The following FAM185A variants were observed in gnomAD, a reference collection of about 807,000 sequenced individuals.
FAM185A encodes the protein family with sequence similarity 185 member A.
In FAM185A, 21 loss-of-function variants were observed where a neutral mutation model predicts 45.7. That is an observed-to-expected ratio of 0.46 (90% CI 0.33 to 0.66). The LOEUF (loss-of-function observed/expected upper bound fraction) is 0.66, where lower values mean the gene tolerates loss of function less well. Among genes scored for constraint, FAM185A ranks in the 30% least tolerant of loss-of-function variants. The pLI is 0.03. For synonymous variants in FAM185A, 117 were observed against 194.0 expected (o/e 0.60, Z 3.30); for missense variants, 305 against 485.4 (o/e 0.63, Z 3.49).
At chr7:102,826,280 T>C in the FAM185A span, among the ~76,000 whole-genome samples, 1 of 152,180 alleles carries the variant, frequency 6.6e-6, no homozygotes, top group Non-Finnish European at 1.5e-5. Context: ...AATGAACTTT[T>C]AGGTTAATAA....
At chr7:102,821,629 G>T in the FAM185A span, among the ~76,000 whole-genome samples, 6 of 152,164 alleles carry the variant, frequency 3.9e-5, no homozygotes, top group Admixed American at 1.3e-4. Context: ...CATTTCATAT[G>T]TTACTTTATC....
At chr7:102,771,875 G>A (rs1186415115) in intron 4 of FAM185A, among the ~76,000 whole-genome samples, 3 of 152,206 alleles carry the variant, frequency 2.0e-5, no homozygotes, top group East Asian at 1.9e-4. Flanking sequence ...AAGCTTCTTT[G>A]TTCTGTTTTG....
At chr7:102,755,764 C>T (rs1324398516) in intron 2 of FAM185A, 16 of 608,452 alleles carry the variant, frequency 2.6e-5, no homozygotes, top group Non-Finnish European at 4.9e-5. Context: ...CAGGTTAACT[C>T]AGAAGACAAA....
At chr7:102,786,827 AT>A (rs1795832983) in intron 6 of FAM185A, among the ~76,000 whole-genome samples, 2 of 116,216 alleles carry the variant, frequency 1.7e-5, no homozygotes, top group Non-Finnish European at 3.3e-5. Flanking sequence ...TTAAAGTATA[AT>A]AAAAAAAAAA....
At chr7:102,827,144 C>T in the FAM185A span, 1 of 455,114 alleles carries the variant, frequency 2.2e-6, no homozygotes, top group Non-Finnish European at 4.4e-6. Flanking sequence ...TGCCTTGCAG[C>T]TTCTACCTTT....
the FAM185A span, among the ~76,000 whole-genome samples, chr7:102,830,837 G>C: frequency 1.3e-5 from 2 of 152,132 alleles, no homozygotes; most frequent in East Asian, 3.8e-4. Flanking sequence ...AAATTTCTTA[G>C]TTTTCTTCCT....
At chr7:102,807,436 C>T (rs531944194) in intron 7 of FAM185A, among the ~76,000 whole-genome samples, 1 of 152,032 alleles carries the variant, frequency 6.6e-6, no homozygotes, top group East Asian at 1.9e-4. Flanking sequence ...ATTCCAAATC[C>T]AGAATCTGAA....
At chr7:102,781,771 G>C (rs572001857) in intron 6 of FAM185A, among the ~76,000 whole-genome samples, 1 of 152,180 alleles carries the variant, frequency 6.6e-6, no homozygotes, top group Non-Finnish European at 1.5e-5. Context: ...CTAGAGGAAC[G>C]CGGCTCCTCA....
At chr7:102,789,224 C>T (rs1007433932) in intron 7 of FAM185A, among the ~76,000 whole-genome samples, 4 of 152,134 alleles carry the variant, frequency 2.6e-5, no homozygotes, top group African/African-American at 9.7e-5. Context: ...CTCAAGTGAT[C>T]CTTCTGCCTC....
chr7:102,830,321 T>A, the FAM185A span, among the ~76,000 whole-genome samples: 1 of 152,220 alleles, frequency 6.6e-6, no homozygotes, highest in Non-Finnish European at 1.5e-5. Context: ...AAACCCAGTC[T>A]CCATCTGTGC....
At chr7:102,770,014 T>A (rs1794654191) in intron 4 of FAM185A, among the ~76,000 whole-genome samples, 1 of 152,208 alleles carries the variant, frequency 6.6e-6, no homozygotes, top group Non-Finnish European at 1.5e-5. Flanking sequence ...CATGAACTTT[T>A]GTGGGAACGT....
chr7:102,827,127 C>T, the FAM185A span: 1 of 454,456 alleles, frequency 2.2e-6, no homozygotes, highest in South Asian at 1.6e-5. Flanking sequence ...TGAGCCAGGC[C>T]TCAAGATGCC....
At chr7:102,756,686 C>T (rs934703381) in intron 2 of FAM185A, among the ~76,000 whole-genome samples, 98 of 146,874 alleles carry the variant, frequency 6.7e-4, no homozygotes, top group Non-Finnish European at 1.0e-3. Flanking sequence ...ATAGACCAAA[C>T]ATCTAATGGC....
intron 6 of FAM185A, among the ~76,000 whole-genome samples, chr7:102,778,524 T>G (rs1252770230): frequency 6.6e-6 from 1 of 152,248 alleles, no homozygotes; most frequent in Admixed American, 6.5e-5. Context: ...TTTTGCACAG[T>G]AGGCAAAATA....
chr7:102,751,207 C>T (rs1000956978), intron 1 of FAM185A, among the ~76,000 whole-genome samples: 5 of 152,214 alleles, frequency 3.3e-5, no homozygotes, highest in African/African-American at 4.8e-5. Flanking sequence ...TGAGCCACTG[C>T]TCATGGCCTA....
intron 3 of FAM185A, among the ~76,000 whole-genome samples, chr7:102,760,866 T>G (rs1794071283): frequency 6.6e-6 from 1 of 152,206 alleles, no homozygotes; most frequent in East Asian, 1.9e-4. Flanking sequence ...TACAGATAAA[T>G]TATTAGGATT....
chr7:102,779,270 G>A (rs1033859701), intron 6 of FAM185A, among the ~76,000 whole-genome samples: 5 of 152,136 alleles, frequency 3.3e-5, no homozygotes, highest in Admixed American at 1.3e-4. Context: ...GTTAACGATG[G>A]GACATTAGGA....
chr7:102,770,827 C>G (rs375322052), intron 4 of FAM185A, among the ~76,000 whole-genome samples: 1 of 152,100 alleles, frequency 6.6e-6, no homozygotes. Context: ...AAAACAGAAC[C>G]ACCATTCAAC....
At chr7:102,819,137 G>T in the FAM185A span, among the ~76,000 whole-genome samples, 1 of 152,056 alleles carries the variant, frequency 6.6e-6, no homozygotes, top group Non-Finnish European at 1.5e-5. Context: ...GGCCCTCCTG[G>T]GTTGTGGGGG....
Sources: gnomAD v4.1 joint callset for allele counts (sites outside exome capture counted in the v4.1 genomes callset) on GRCh38, gnomAD v4.1.1 for gene constraint, MANE v1.5 for transcripts, NCBI Gene and HGNC (gene_info 2026-07-23, HGNC 2026-07-21) for gene names.